MFSD8: variants seen among roughly 807,000 people sequenced by gnomAD.
MFSD8 encodes major facilitator superfamily domain-containing protein 8.
In MFSD8, 55 loss-of-function variants were observed where a neutral mutation model predicts 66.4. The observed-to-expected ratio is 0.83, with a 90% CI of 0.67 to 1.04. MFSD8 has a LOEUF of 1.04. Ranked by LOEUF, MFSD8 falls within the 50% of genes least tolerant of loss-of-function variation. The probability of loss-of-function intolerance (pLI) is 0.00; values close to 1 mark genes in which losing one functional copy is unlikely to be tolerated. For synonymous variants in MFSD8, 202 were observed against 212.8 expected, an observed-to-expected ratio of 0.95 and a Z score of 0.44; for missense variants, 550 against 627.6, an observed-to-expected ratio of 0.88 and a Z score of 1.32.
At chr4:127,922,916 T>A (rs779967943) in intron 9 of MFSD8, among the ~76,000 whole-genome samples, 5 of 152,160 alleles carry the variant, frequency 3.3e-5, no homozygotes, top group Admixed American at 6.5e-5. Flanking sequence ...GCTACTTACA[T>A]GTTAAGAAGA....
At chr4:127,942,645 A>C (rs1578904560) in intron 4 of MFSD8, among the ~76,000 whole-genome samples, 1 of 150,170 alleles carries the variant, frequency 6.7e-6, no homozygotes, top group Non-Finnish European at 1.5e-5. Flanking sequence ...ACGCCACTGC[A>C]CTCTAGCCTG....
intron 8 of MFSD8, chr4:127,932,751 T>A: frequency 2.6e-6 from 1 of 388,668 alleles, no homozygotes; most frequent in South Asian, 3.0e-5. Flanking sequence ...AGGGAAAGAG[T>A]AGTGAAACAG....
chr4:127,924,690 T>C (rs921007493), intron 9 of MFSD8, among the ~76,000 whole-genome samples: 4 of 152,160 alleles, frequency 2.6e-5, no homozygotes, highest in Admixed American at 1.3e-4. Context: ...GATTCAATGC[T>C]ATCCCCATCA....
At position 127,946,292 on chromosome 4, in the gene MFSD8, A is replaced by T. The variant is rs1247430522; in HGVS notation, c.199-2300T>A. ...GAAAAGAGAGTACTTTTCAAAACTC[A>T]ACATAGTATGCTGAGTAGACCTAAT... On this transcript the variant is annotated intron_variant, in intron 3 of 11. Transcript: ENST00000641686. 3.9e-5 allele frequency among the ~76,000 whole-genome samples: 6 copies of T among 152,182 alleles called. No individual in the cohort carries two copies. The South Asian group carries it at 6.2e-4, about 16-fold the overall frequency.
At chr4:127,951,919 G>A (rs1045427177) in intron 2 of MFSD8, among the ~76,000 whole-genome samples, 1 of 151,438 alleles carries the variant, frequency 6.6e-6, no homozygotes, top group South Asian at 2.1e-4. Flanking sequence ...TCGTAGAGAT[G>A]GGGTTTCACC....
chr4:127,940,442 G>A (rs1269513370), intron 5 of MFSD8, among the ~76,000 whole-genome samples: 4 of 149,592 alleles, frequency 2.7e-5, no homozygotes, highest in Non-Finnish European at 5.9e-5. Context: ...AATTATAAAG[G>A]TTTAATCAGC....
At chr4:127,957,241 G>A (rs1743037995) in intron 2 of MFSD8, among the ~76,000 whole-genome samples, 1 of 152,136 alleles carries the variant, frequency 6.6e-6, no homozygotes, top group Non-Finnish European at 1.5e-5. Flanking sequence ...CTAGGGCTTG[G>A]GGGATGGGAA....
rs761265452 is a variant in MFSD8 at position 127,920,877 on chromosome 4, G to T, written c.1351-41C>A. 15 of 1,578,970 alleles carry T rather than the reference G, an allele frequency of 9.5e-6. No individual in the cohort carries two copies. The East Asian group carries it at 3.2e-4, about 33-fold the overall frequency. ...TGGAGGACAAGCAGATTGATATTGGGGTTTAGTTATTTAAAAGCAAAGAAA... is the reference window on the plus strand; with the variant it reads ...TGGAGGACAAGCAGATTGATATTGGTGTTTAGTTATTTAAAAGCAAAGAAA... On this transcript the variant is annotated intron_variant, in intron 11 of 11. Coordinates refer to ENST00000641686, the MANE Select transcript of MFSD8 (RefSeq NM_001371596.2).
chr4:127,922,798 T>C (rs1393846743), intron 9 of MFSD8, among the ~76,000 whole-genome samples: 1 of 152,194 alleles, frequency 6.6e-6, no homozygotes, highest in Non-Finnish European at 1.5e-5. Flanking sequence ...GGAAAGATTC[T>C]CTTCATGGTA....
chr4:127,956,339 C>T (rs1462905213), intron 2 of MFSD8, among the ~76,000 whole-genome samples: 1 of 150,480 alleles, frequency 6.6e-6, no homozygotes, highest in Non-Finnish European at 1.5e-5. Flanking sequence ...CCCGTCTCTA[C>T]TAAAAATATA....
chr4:127,960,014 T>C (rs1359828824), intron 1 of MFSD8, among the ~76,000 whole-genome samples: 4 of 152,234 alleles, frequency 2.6e-5, no homozygotes, highest in African/African-American at 9.6e-5. Context: ...TGCTTAACTT[T>C]TAAAATTCCT....
chr4:127,943,692 G>A (rs749996945), intron 4 of MFSD8, 60 bp downstream of exon 4: 13 of 1,604,156 alleles, frequency 8.1e-6, no homozygotes, highest in Non-Finnish European at 1.1e-5. Flanking sequence ...TTAAAAGTGA[G>A]CCATAAATGT....
intron 4 of MFSD8, 125 bp downstream of exon 4, chr4:127,943,627 T>C: frequency 3.5e-6 from 4 of 1,156,754 alleles, no homozygotes; most frequent in Non-Finnish European, 5.0e-6. Flanking sequence ...TTGTTTACAA[T>C]GAGAAACATG....
At chr4:127,936,373 C>T (rs1238360165) in intron 7 of MFSD8, among the ~76,000 whole-genome samples, 2 of 151,972 alleles carry the variant, frequency 1.3e-5, no homozygotes, top group Non-Finnish European at 2.9e-5. Context: ...CTTTGGCCTC[C>T]CAAAGTGCTG....
In MFSD8 at chr4:127,943,171, T is replaced by C. The variant is rs964494112; in HGVS notation, c.439+581A>G. 5.9e-5 allele frequency among the ~76,000 whole-genome samples: 9 copies of C among 151,820 alleles called. No homozygotes were observed. In the East Asian group the frequency reaches 1.4e-3, roughly 23 times the overall value. ...AGGTAGAGGATGCAGTGAGCCAAGATTGCGCCACTGCATTCCAGTCTGGGT... is the reference window on the plus strand; with the variant it reads ...AGGTAGAGGATGCAGTGAGCCAAGACTGCGCCACTGCATTCCAGTCTGGGT... On this transcript the variant is annotated intron_variant, in intron 4 of 11. Coordinates refer to ENST00000641686, the MANE Select transcript of MFSD8 (RefSeq NM_001371596.2).
intron 3 of MFSD8, among the ~76,000 whole-genome samples, chr4:127,949,052 G>A (rs901967019): frequency 4.6e-5 from 7 of 152,130 alleles, no homozygotes; most frequent in African/African-American, 1.4e-4. Flanking sequence ...AAAGTATTTC[G>A]TGATCAACAA....
chr4:127,960,877 CTTA>C (rs1460221422), intron 1 of MFSD8, among the ~76,000 whole-genome samples: 1 of 152,088 alleles, frequency 6.6e-6, no homozygotes, highest in Non-Finnish European at 1.5e-5. Context: ...CTATATTATA[CTTA>C]TTATTATATT....
chr4:127,941,132 A>T (rs1307615650), intron 5 of MFSD8, among the ~76,000 whole-genome samples: 3 of 152,198 alleles, frequency 2.0e-5, no homozygotes, highest in African/African-American at 2.4e-5. Context: ...TGTACTTTAC[A>T]ATATAGTATT....
At chr4:127,965,649 C>A, upstream of MFSD8, 1 of 185,724 alleles carries the variant, frequency 5.4e-6, no homozygotes, top group Non-Finnish European at 1.2e-5. Flanking sequence ...GCTAAGAGCT[C>A]CCCGCGCCTC....
Sources: allele counts gnomAD v4.1 joint callset (sites outside exome capture counted in the v4.1 genomes callset), GRCh38; gene constraint gnomAD v4.1.1; transcripts MANE v1.5; gene names NCBI Gene and HGNC (gene_info 2026-07-23, HGNC 2026-07-21).